CPVL: variants seen among roughly 807,000 people sequenced by gnomAD.
The protein encoded by CPVL is carboxypeptidase vitellogenic like.
In CPVL, 51 loss-of-function variants were observed where a neutral mutation model predicts 63.7. The observed-to-expected ratio is 0.80, with a 90% confidence interval of 0.64 to 1.01. The LOEUF (loss-of-function observed/expected upper bound fraction) is 1.01, where lower values mean the gene tolerates loss of function less well. CPVL is among the 50% of genes least tolerant of loss of function. The pLI is 0.00. For synonymous variants in CPVL, 195 were observed against 206.0 expected (o/e 0.95, Z 0.46); for missense variants, 530 against 573.1 (o/e 0.92, Z 0.77).
At chr7:29,107,065 T>A (rs1787786452) in intron 3 of CPVL, among the ~76,000 whole-genome samples, 2 of 152,168 alleles carry the variant, frequency 1.3e-5, no homozygotes. Context: ...CCTCACTTCC[T>A]CTCCACAGAG....
At chr7:29,180,828 C>T (rs1797978198) in intron 5 of CPVL, among the ~76,000 whole-genome samples, 1 of 152,160 alleles carries the variant, frequency 6.6e-6, no homozygotes, top group African/African-American at 2.4e-5. Flanking sequence ...AGACTCGTAT[C>T]ATCCGTATAC....
upstream of CPVL, chr7:29,146,669 C>T (rs1027551012): frequency 4.5e-5 from 70 of 1,550,518 alleles, no homozygotes; most frequent in African/African-American, 8.4e-4. Flanking sequence ...GTCAGCGCTT[C>T]CCATGCTGGA....
At chr7:29,036,768 A>G (rs1788563508) in intron 11 of CPVL, among the ~76,000 whole-genome samples, 1 of 152,186 alleles carries the variant, frequency 6.6e-6, no homozygotes, top group Admixed American at 6.5e-5. Context: ...TTTAAAAGGA[A>G]GTTTTTGAGT....
intron 1 of CPVL, among the ~76,000 whole-genome samples, chr7:29,130,767 G>A (rs1049708653): frequency 3.9e-5 from 6 of 152,146 alleles, no homozygotes; most frequent in African/African-American, 1.2e-4. Context: ...CAATGCAACT[G>A]TTGATAAAAA....
chr7:29,087,230 C>T (rs958503081), intron 6 of CPVL, among the ~76,000 whole-genome samples: 2 of 151,954 alleles, frequency 1.3e-5, no homozygotes, highest in Admixed American at 6.6e-5. Flanking sequence ...TCGAGACCAG[C>T]CTAGCCAACA....
At chr7:29,162,993 T>A (rs948762958) in intron 5 of CPVL, among the ~76,000 whole-genome samples, 1 of 152,240 alleles carries the variant, frequency 6.6e-6, no homozygotes, top group Admixed American at 6.5e-5. Context: ...GAAATATGCA[T>A]GAGGTGTAGT....
intron 12 of CPVL, among the ~76,000 whole-genome samples, chr7:28,997,553 A>G (rs1298592505): frequency 6.6e-6 from 1 of 152,206 alleles, no homozygotes; most frequent in Non-Finnish European, 1.5e-5. Context: ...TGCACTGAAC[A>G]ACTACAGGGA....
chr7:29,077,857 G>A (rs753188700), intron 7 of CPVL, among the ~76,000 whole-genome samples: 111 of 152,120 alleles, frequency 7.3e-4, no homozygotes, highest in Non-Finnish European at 1.4e-3. Flanking sequence ...TGAAAACCTC[G>A]GTGTAATGGG....
At chr7:29,033,965 T>C (rs1788272134) in intron 11 of CPVL, among the ~76,000 whole-genome samples, 1 of 152,178 alleles carries the variant, frequency 6.6e-6, no homozygotes, top group South Asian at 2.1e-4. Context: ...ACTCTAATTA[T>C]CACATATTTA....
At chr7:29,090,474 T>C (rs931239727) in intron 6 of CPVL, among the ~76,000 whole-genome samples, 5 of 152,166 alleles carry the variant, frequency 3.3e-5, no homozygotes, top group African/African-American at 1.2e-4. Context: ...AACCAACATG[T>C]AGGAGAAAAC....
chr7:29,041,017 C>A (rs1237766595), intron 11 of CPVL, among the ~76,000 whole-genome samples: 1 of 152,074 alleles, frequency 6.6e-6, no homozygotes, highest in African/African-American at 2.4e-5. Context: ...TCCTGGGGCC[C>A]CTTCTAGTCA....
intron 11 of CPVL, among the ~76,000 whole-genome samples, chr7:29,055,054 A>C (rs1345073915): frequency 6.6e-6 from 1 of 152,026 alleles, no homozygotes; most frequent in Non-Finnish European, 1.5e-5. Flanking sequence ...TAGTTGTTTT[A>C]TCTCTCATAT....
chr7:29,053,214 A>G (rs868249314), intron 11 of CPVL, among the ~76,000 whole-genome samples: 7 of 152,208 alleles, frequency 4.6e-5, no homozygotes, highest in Non-Finnish European at 8.8e-5. Context: ...TAGAGTTAAC[A>G]TATGACCCAG....
At chr7:29,005,752 G>A (rs759833874) in intron 12 of CPVL, among the ~76,000 whole-genome samples, 1 of 152,076 alleles carries the variant, frequency 6.6e-6, no homozygotes, top group African/African-American at 2.4e-5. Flanking sequence ...TTACCACACA[G>A]GATTTGATGC....
chr7:29,140,057 C>T (rs749721380), intron 1 of CPVL, among the ~76,000 whole-genome samples: 12 of 152,148 alleles, frequency 7.9e-5, no homozygotes, highest in Non-Finnish European at 1.3e-4. Context: ...GACTTAGGAG[C>T]ATATGAGCTT....
At chr7:29,063,450 C>A (rs967923910) in intron 11 of CPVL, among the ~76,000 whole-genome samples, 1 of 152,174 alleles carries the variant, frequency 6.6e-6, no homozygotes. Flanking sequence ...CTCTTACACA[C>A]GGCCAGTCAT....
At position 29,071,769 on chromosome 7, in the gene CPVL, T is replaced by A. The variant is rs763570946; in HGVS notation, c.864+4A>T. ...AAGGGCAGCACAGGGCCCCCAGAAC[T>A]CACTTCAAAGGCCTCAAACCAGTTC... On this transcript the variant is annotated splice_donor_region_variant and intron_variant, in intron 9 of 12. Coordinates refer to ENST00000265394, the MANE Select transcript of CPVL (RefSeq NM_031311.5). 5 of 1,342,832 alleles carry A rather than the reference T, an allele frequency of 3.7e-6. No individual in the cohort carries two copies. In the South Asian group the frequency reaches 5.7e-5, roughly 15 times the overall value. The allele number at this position is 1,342,832 out of a possible 1,614,324, so 83.2% of individuals were successfully genotyped here. A position where few individuals can be genotyped will look rare whatever the true frequency, so the allele number is the denominator to read the frequency against.
chr7:29,008,742 A>G (rs1003604428), intron 12 of CPVL, among the ~76,000 whole-genome samples: 1 of 152,196 alleles, frequency 6.6e-6, no homozygotes, highest in Non-Finnish European at 1.5e-5. Context: ...AGTGCTAGCT[A>G]AGGAACTGGG....
chr7:29,182,639 A>G (rs1297780013), intron 4 of CPVL, among the ~76,000 whole-genome samples: 1 of 152,186 alleles, frequency 6.6e-6, no homozygotes, highest in African/African-American at 2.4e-5. Context: ...AATTACGTAC[A>G]CTCATGTCTA....
Sources: gnomAD v4.1 joint callset for allele counts (sites outside exome capture counted in the v4.1 genomes callset) on GRCh38, gnomAD v4.1.1 for gene constraint, MANE v1.5 for transcripts, NCBI Gene and HGNC (gene_info 2026-07-23, HGNC 2026-07-21) for gene names.